EPHB2: variants seen among roughly 807,000 people sequenced by gnomAD.
EPHB2 encodes the protein EPH receptor B2.
EPHB2 carries 18 observed loss-of-function variants against 96.4 expected under a neutral mutation model. That is an observed-to-expected ratio of 0.19 (90% CI 0.13 to 0.28). The LOEUF is 0.28. EPHB2 is among the 10% of genes least tolerant of loss of function. EPHB2 has a pLI of 1.00. For missense variants in EPHB2, 989 were observed against 1,355.4 expected (o/e 0.73, Z 4.25); for synonymous variants, 506 against 534.1 (o/e 0.95, Z 0.72).
chr1:22,781,317 C>CT, intron 1 of EPHB2, 104 bp from the exon 2 acceptor site: 2 of 886,524 alleles, frequency 2.3e-6, no homozygotes, highest in Non-Finnish European at 3.3e-6. Flanking sequence ...CAGACTCCGT[C>CT]TAAAAAAAAA....
intron 3 of EPHB2, among the ~76,000 whole-genome samples, chr1:22,814,010 G>A (rs998705725): frequency 2.0e-5 from 3 of 152,016 alleles, no homozygotes; most frequent in African/African-American, 7.2e-5. Flanking sequence ...CCTCTCTACT[G>A]AAAATACAAA....
intron 1 of EPHB2, among the ~76,000 whole-genome samples, chr1:22,745,974 T>C (rs899621671): frequency 5.9e-5 from 9 of 152,208 alleles, no homozygotes; most frequent in African/African-American, 2.2e-4. Flanking sequence ...CGCAGCAGGA[T>C]CAGGATGTTT....
At chr1:22,774,905 C>T (rs1644428709) in intron 1 of EPHB2, among the ~76,000 whole-genome samples, 1 of 152,176 alleles carries the variant, frequency 6.6e-6, no homozygotes, top group Admixed American at 6.5e-5. Context: ...TACATGGTGT[C>T]ATTTAATTCT....
At chr1:22,856,836 T>A (rs1645706841) in intron 3 of EPHB2, among the ~76,000 whole-genome samples, 1 of 152,236 alleles carries the variant, frequency 6.6e-6, no homozygotes, top group African/African-American at 2.4e-5. Flanking sequence ...CCATGCTGGA[T>A]GAGTAATAAT....
intron 5 of EPHB2, 153 bp from the exon 6 acceptor site, chr1:22,882,206 G>A (rs1382525520): frequency 1.6e-5 from 13 of 828,438 alleles, no homozygotes; most frequent in Non-Finnish European, 1.9e-5. Flanking sequence ...TCTGCCCCCT[G>A]TCGGCTCCCC....
Position 22,917,267 on chromosome 1 carries a change from C to G in EPHB2, c.*3697C>G, listed in dbSNP as rs1440771492. The G allele has an allele frequency of 1.3e-5, 2 of 152,250 alleles. No individual in the cohort carries two copies. Among genetic ancestry groups the G allele is most frequent in the East Asian group, 1.9e-4 (1 of 5,178 alleles). 9.4% of individuals were successfully genotyped at this position (152,250 alleles called of 1,614,324 possible). On this transcript the variant is annotated 3_prime_UTR_variant, in exon 16 of 16. Transcript: ENST00000374630. ...GCTCATCTCCAAAAGGCTGGGAGCT[C>G]CCGCCCTGCCCAGTTAATCCTCCTG...
At chr1:22,882,137 T>C (rs1639065715) in intron 5 of EPHB2, among the ~76,000 whole-genome samples, 1 of 152,346 alleles carries the variant, frequency 6.6e-6, no homozygotes, top group South Asian at 2.1e-4. Context: ...CGTCAGTGTC[T>C]GACCTGAAGG....
chr1:22,832,553 A>G lies in EPHB2; in HGVS notation c.812-30484A>G, dbSNP rs16827635. 6.9e-3 allele frequency among the ~76,000 whole-genome samples: 1,049 copies of G among 152,064 alleles called. 13 individuals carry two copies. The highest frequency in any genetic ancestry group is 0.024 in the African/African-American group (988 of 41,486). On this transcript the variant is annotated intron_variant, in intron 3 of 15. Coordinates refer to ENST00000374630, the MANE Select transcript of EPHB2 (RefSeq NM_017449.5). ...CTGGGATGCACCCCTAGTGATTGTC[A>G]TGGAGTGGGCCATCCCAGCCAGGCT...
In EPHB2 at chr1:22,797,579, C is replaced by G. The variant is rs12083803; in HGVS notation, c.811+12503C>G. On this transcript the variant is annotated intron_variant, in intron 3 of 15. Transcript: ENST00000374630. ...CTTCAAATGCCTTCTCTGGGCTGAT[C>G]TCTAGCCCAGACCTCTATTCTGAAG... Among the ~76,000 whole-genome samples the G allele has an allele frequency of 8.2e-3, 1,253 of 152,182 alleles. 16 individuals carry two copies. The highest frequency in any genetic ancestry group is 0.029 in the African/African-American group (1,186 of 41,500).
chr1:22,775,369 G>A, intron 1 of EPHB2: 2 of 699,762 alleles, frequency 2.9e-6, no homozygotes, highest in South Asian at 3.1e-5. Flanking sequence ...GCATGTATAG[G>A]TGCTTAATGA....
At chr1:22,744,651 G>A (rs141533450) in intron 1 of EPHB2, among the ~76,000 whole-genome samples, 531 of 126,460 alleles carry the variant, frequency 4.2e-3, no homozygotes, top group Middle Eastern at 0.01. Context: ...GAGCCTGGGC[G>A]ACAGAGTGAG....
intron 1 of EPHB2, among the ~76,000 whole-genome samples, chr1:22,759,752 C>T (rs988982244): frequency 2.0e-5 from 3 of 152,192 alleles, no homozygotes; most frequent in Non-Finnish European, 2.9e-5. Flanking sequence ...AGTTCGGTGA[C>T]ACACTTTAGA....
chr1:22,799,252 C>G (rs150356812), intron 3 of EPHB2, among the ~76,000 whole-genome samples: 6 of 152,276 alleles, frequency 3.9e-5, no homozygotes, highest in Non-Finnish European at 8.8e-5. Flanking sequence ...CCTCGAGAAG[C>G]CATCAGGACA....
chr1:22,813,813 A>C (rs552172209), intron 3 of EPHB2, among the ~76,000 whole-genome samples: 1 of 152,336 alleles, frequency 6.6e-6, no homozygotes, highest in South Asian at 2.1e-4. Flanking sequence ...CCAGTATTCT[A>C]TTCATCCCCC....
At chr1:22,738,844 G>A (rs569115328) in intron 1 of EPHB2, among the ~76,000 whole-genome samples, 2 of 152,194 alleles carry the variant, frequency 1.3e-5, no homozygotes, top group East Asian at 1.9e-4. Flanking sequence ...GCCATGATGC[G>A]GGAACCTCTA....
chr1:22,785,122 G>A (rs1644592636), intron 3 of EPHB2, 46 bp downstream of exon 3: 2 of 1,608,636 alleles, frequency 1.2e-6, no homozygotes, highest in Non-Finnish European at 1.7e-6. Flanking sequence ...GCATAGAACT[G>A]GTCTTGGCTG....
At chr1:22,796,527 C>G (rs906763073) in intron 3 of EPHB2, among the ~76,000 whole-genome samples, 5 of 152,236 alleles carry the variant, frequency 3.3e-5, no homozygotes, top group Non-Finnish European at 5.9e-5. Flanking sequence ...ATCTCACTTG[C>G]AATCCGTGAG....
In EPHB2 at chr1:22,913,596, T is replaced by C; in HGVS notation, c.*26T>C. The C allele has an allele frequency of 6.2e-7, 1 of 1,613,528 alleles. No individual in the cohort carries two copies. The highest frequency in any genetic ancestry group is 8.5e-7 in the Non-Finnish European group (1 of 1,179,828). The stretch of plus-strand genomic sequence containing the variant: ...CATTCACCTGCCTCGGCTCACCTCT[T>C]CCTCCAAGCCCCGCCCCCTCTGCCC... On this transcript the variant is annotated 3_prime_UTR_variant, in exon 16 of 16. Transcript: ENST00000374630. The surrounding 1 kb of genome is among the most constrained non-coding windows in gnomAD (Gnocchi z 4.1).
intron 3 of EPHB2, among the ~76,000 whole-genome samples, chr1:22,794,505 CT>C (rs1381346579): frequency 6.6e-6 from 1 of 152,180 alleles, no homozygotes; most frequent in African/African-American, 2.4e-5. Context: ...CTTGAATCCT[CT>C]CATCAGACTA....
Sources: allele counts gnomAD v4.1 joint callset (sites outside exome capture counted in the v4.1 genomes callset), GRCh38; gene constraint gnomAD v4.1.1; non-coding constraint Gnocchi (gnomAD v3.1); transcripts MANE v1.5; gene names NCBI Gene and HGNC (gene_info 2026-07-23, HGNC 2026-07-21).